The following CELF2 variants were observed in gnomAD, a reference collection of about 807,000 sequenced individuals.
The protein encoded by CELF2 is CUGBP Elav-like family member 2.
CELF2 carries 8 observed loss-of-function variants against 62.6 expected under a neutral mutation model. The observed-to-expected ratio is 0.13, with a 90% confidence interval of 0.07 to 0.23. The LOEUF (loss-of-function observed/expected upper bound fraction) is 0.23. Ranked by LOEUF, CELF2 falls within the 10% of genes least tolerant of loss-of-function variation. The probability of loss-of-function intolerance (pLI) is 1.00; values close to 1 mark genes in which losing one functional copy is unlikely to be tolerated. For missense variants in CELF2, 333 were observed against 671.0 expected, an observed-to-expected ratio of 0.50 and a Z score of 5.56; for synonymous variants, 258 against 250.0, an observed-to-expected ratio of 1.03 and a Z score of -0.30.
chr10:11,222,279 T>G (rs1172494768), intron 3 of CELF2, among the ~76,000 whole-genome samples: 1 of 152,244 alleles, frequency 6.6e-6, no homozygotes, highest in Admixed American at 6.5e-5. Flanking sequence ...ATTAATGCCT[T>G]TGTTCTCAGA....
the CELF2 span, among the ~76,000 whole-genome samples, chr10:10,778,011 C>CA: frequency 1.3e-5 from 2 of 152,098 alleles, no homozygotes; most frequent in African/African-American, 2.4e-5. Context: ...TAAAAACAAA[C>CA]AAAAAATCAT....
the CELF2 span, among the ~76,000 whole-genome samples, chr10:10,700,950 C>A: frequency 6.6e-6 from 1 of 152,230 alleles, no homozygotes; most frequent in Non-Finnish European, 1.5e-5. Context: ...TACGCCTCCA[C>A]CTACCAAGTT....
In CELF2 at chr10:10,943,337, A is replaced by G. The variant is rs184580471; in HGVS notation, c.89+23338A>G. Among the ~76,000 whole-genome samples the G allele has an allele frequency of 3.3e-5, 5 of 152,302 alleles. No individual in the cohort carries two copies. The East Asian group carries it at 7.7e-4, about 24-fold the overall frequency. On this transcript the variant is annotated intron_variant, in intron 2 of 13. Coordinates refer to the CELF2 transcript ENST00000636488. ...TACCTGTGAGGGGCAGAACTCCCACATGGGGCCAAAGGAAGAGTATTAGTT... is the reference window on the plus strand; with the variant it reads ...TACCTGTGAGGGGCAGAACTCCCACGTGGGGCCAAAGGAAGAGTATTAGTT...
At chr10:10,804,599 A>G (rs1010540979) in intron 1 of CELF2, among the ~76,000 whole-genome samples, 2 of 152,228 alleles carry the variant, frequency 1.3e-5, no homozygotes, top group African/African-American at 4.8e-5. Flanking sequence ...TGTCTGGAGG[A>G]AATGTATGGT....
rs1305266269 is a variant in CELF2, at chr10:11,224,902, G to T, written c.354+7395G>T. Among the ~76,000 whole-genome samples the T allele has an allele frequency of 6.6e-6, 1 of 152,170 alleles. No individual in the cohort carries two copies. Among genetic ancestry groups the T allele is most frequent in the Admixed American group, 6.5e-5 (1 of 15,286 alleles). ...AGGAAATAGGGAATGGCTGAGCTGG[G>T]GAGAGCCAAGGCCAGGATCAGAGGG... On this transcript the variant is annotated intron_variant, in intron 3 of 12. Coordinates refer to ENST00000633077, the MANE Select transcript of CELF2 (RefSeq NM_001326342.2). The surrounding 1 kb of genome is among the most constrained non-coding windows in gnomAD (Gnocchi z 4.5).
At chr10:10,841,718 G>C (rs1298036799) in intron 1 of CELF2, among the ~76,000 whole-genome samples, 6 of 151,972 alleles carry the variant, frequency 3.9e-5, no homozygotes, top group Admixed American at 3.9e-4. Flanking sequence ...CTCCATATTT[G>C]TTTTTCCTCT....
chr10:10,565,563 C>G, the CELF2 span, among the ~76,000 whole-genome samples: 3 of 152,184 alleles, frequency 2.0e-5, no homozygotes, highest in African/African-American at 7.2e-5. Flanking sequence ...TTTTGTAAGA[C>G]CTGGCTCTAG....
intron 1 of CELF2, among the ~76,000 whole-genome samples, chr10:11,024,031 T>C (rs548019450): frequency 6.6e-6 from 1 of 152,344 alleles, no homozygotes; most frequent in Admixed American, 6.5e-5. Flanking sequence ...GACCCATTTT[T>C]TTTCCTCCTA....
rs1184245752 is a variant in CELF2, at chr10:11,101,263, A to G, written c.75-64223A>G. Among the ~76,000 whole-genome samples, 3 of 152,224 alleles carry G rather than the reference A, an allele frequency of 2.0e-5. No individual in the cohort carries two copies. In the East Asian group the frequency reaches 5.8e-4, roughly 29 times the overall value. On this transcript the variant is annotated intron_variant, in intron 1 of 12. Transcript: ENST00000633077. Reference sequence around the variant, plus strand: ...CTTCCGATATGTGGGGTGAATTACAATACTTCTGAGACATCCAAATGGAAA... The same window carrying G: ...CTTCCGATATGTGGGGTGAATTACAGTACTTCTGAGACATCCAAATGGAAA...
rs368540555 is a variant in CELF2, at chr10:11,156,527, G to A, written c.75-8959G>A. On this transcript the variant is annotated intron_variant, in intron 1 of 12. Transcript: ENST00000633077. This position sits in a 1 kb window ranked among gnomAD's most constrained non-coding sequence, Gnocchi z 4.3. ...CAAAACGGTCTTTTTAATCGATAAG[G>A]CTTACTTATTTGCCTATTTCATGCC... Among the ~76,000 whole-genome samples the A allele has an allele frequency of 6.6e-6, 1 of 152,004 alleles. No homozygotes were observed. Among genetic ancestry groups the A allele is most frequent in the Admixed American group, 6.6e-5 (1 of 15,258 alleles).
At chr10:10,897,463 A>C (rs1423814725) in intron 1 of CELF2, among the ~76,000 whole-genome samples, 1 of 152,198 alleles carries the variant, frequency 6.6e-6, no homozygotes, top group Non-Finnish European at 1.5e-5. Flanking sequence ...GAGGAAAGAA[A>C]AAAAAATTGA....
rs965655546 is a variant in CELF2, at chr10:11,220,973, G to C, written c.354+3466G>C. Among the ~76,000 whole-genome samples the C allele has an allele frequency of 2.6e-5, 4 of 152,238 alleles. No individual in the cohort carries two copies. Among genetic ancestry groups the C allele is most frequent in the African/African-American group, 9.6e-5 (4 of 41,468 alleles). On this transcript the variant is annotated intron_variant, in intron 3 of 12. Transcript: ENST00000633077. This position sits in a 1 kb window ranked among gnomAD's most constrained non-coding sequence, Gnocchi z 4.4. The stretch of plus-strand genomic sequence containing the variant: ...TAGCTGGAAGGGTGGACAGTAGACA[G>C]GTAGTTAATACTTACATGGTTCGTG...
intron 2 of CELF2, among the ~76,000 whole-genome samples, chr10:10,988,702 G>C (rs116745473): frequency 6.6e-6 from 1 of 152,080 alleles, no homozygotes; most frequent in Non-Finnish European, 1.5e-5. Flanking sequence ...ATTCCTAAGA[G>C]GCTAAAGAAA....
rs2093831736 is a variant in CELF2, at chr10:11,302,288, G to A, written c.977-11851G>A. The stretch of plus-strand genomic sequence containing the variant: ...AGTCGTGATGGAATTTGACAGCACC[G>A]CATCGGATAGTCCTGACACACGTGG... On this transcript the variant is annotated intron_variant, in intron 9 of 12. Transcript: ENST00000633077. The surrounding 1 kb of genome is among the most constrained non-coding windows in gnomAD (Gnocchi z 5.0). Among the ~76,000 whole-genome samples the A allele has an allele frequency of 6.6e-6, 1 of 152,162 alleles. No individual in the cohort carries two copies.
chr10:10,689,419 G>A, the CELF2 span, among the ~76,000 whole-genome samples: 64 of 152,180 alleles, frequency 4.2e-4, no homozygotes, highest in East Asian at 0.012. Flanking sequence ...CAACACTTAG[G>A]ATTACAAATC....
Position 11,288,509 on chromosome 10 carries a change from T to A in CELF2, c.933T>A (p.Pro311=). ...CAGCCACCAGCACCAATGCAAACCC[T>A]CTCTCTACCACGAGCAGCGCCCTGG... is the stretch of plus-strand genomic sequence containing the variant. ...QTSATSTNAN[P]LSTTSSALGA... is the part of the protein sequence containing the mutation. The change falls in exon 9 of 13, where the codon CCT becomes CCA. Residue 311 remains proline, a synonymous_variant. Coordinates refer to ENST00000633077, the MANE Select transcript of CELF2 (RefSeq NM_001326342.2). 1 of 1,613,844 alleles carries A rather than the reference T, an allele frequency of 6.2e-7. No individual in the cohort carries two copies. Among genetic ancestry groups the A allele is most frequent in the Non-Finnish European group, 8.5e-7 (1 of 1,179,998 alleles).
the CELF2 span, among the ~76,000 whole-genome samples, chr10:10,731,896 C>G: frequency 6.6e-6 from 1 of 152,070 alleles, no homozygotes; most frequent in African/African-American, 2.4e-5. Context: ...ATTGACTTGT[C>G]CCCCTGTGCT....
chr10:11,203,820 C>T (rs142822032), intron 2 of CELF2, among the ~76,000 whole-genome samples: 2,356 of 152,290 alleles, frequency 0.015, 18 homozygotes, highest in South Asian at 0.026. Flanking sequence ...CCATGACCCG[C>T]GTTCTCACCA....
chr10:10,838,197 G>T (rs951139561), intron 1 of CELF2, among the ~76,000 whole-genome samples: 1 of 152,148 alleles, frequency 6.6e-6, no homozygotes, highest in Non-Finnish European at 1.5e-5. Flanking sequence ...ATTGGGATTT[G>T]GCTGATGTTT....
Sources: allele counts gnomAD v4.1 joint callset (sites outside exome capture counted in the v4.1 genomes callset), GRCh38; gene constraint gnomAD v4.1.1; non-coding constraint Gnocchi (gnomAD v3.1); transcripts MANE v1.5; gene names NCBI Gene and HGNC (gene_info 2026-07-23, HGNC 2026-07-21).